Variants in PAK3 observed in about 807,000 individuals in gnomAD.
The protein encoded by PAK3 is serine/threonine-protein kinase PAK 3.
PAK3 carries 4 observed loss-of-function variants against 41.0 expected under a neutral mutation model. That is an observed-to-expected ratio of 0.10 (90% CI 0.05 to 0.22). The LOEUF is 0.22. PAK3 is among the 10% of genes least tolerant of loss of function. PAK3 has a pLI of 1.00. For missense variants in PAK3, 205 were observed against 409.9 expected, an observed-to-expected ratio of 0.50 and a Z score of 4.32; for synonymous variants, 146 against 139.6, an observed-to-expected ratio of 1.05 and a Z score of -0.32.
At chrX:111,176,836 A>T (rs2149259298) in intron 11 of PAK3, among the ~76,000 whole-genome samples, 1 of 111,488 alleles carries the variant, frequency 9.0e-6, no homozygotes, top group African/African-American at 3.2e-5. Flanking sequence ...CTGCCGGCTT[A>T]AATCTATTTA....
intron 1 of PAK3, among the ~76,000 whole-genome samples, chrX:110,981,358 A>G (rs2091443827): frequency 8.9e-6 from 1 of 112,116 alleles, no homozygotes; most frequent in African/African-American, 3.2e-5. Flanking sequence ...TGACATTGGG[A>G]TAATTGGTGA....
At chrX:111,091,315 G>A (rs1180598124), upstream of PAK3, among the ~76,000 whole-genome samples, 1 of 111,571 alleles carries the variant, frequency 9.0e-6, no homozygotes, top group Non-Finnish European at 1.9e-5. Flanking sequence ...GGGAGCATAT[G>A]TAAATGCGAC....
At chrX:110,989,625 C>T (rs2091607553) in intron 1 of PAK3, among the ~76,000 whole-genome samples, 1 of 112,124 alleles carries the variant, frequency 8.9e-6, no homozygotes, top group Non-Finnish European at 1.9e-5. Context: ...ATCTGTAGAA[C>T]ACTGGCGCTG....
intron 1 of PAK3, among the ~76,000 whole-genome samples, chrX:111,018,002 A>G (rs145273997): frequency 1.2e-3 from 134 of 112,093 alleles, no homozygotes; most frequent in Middle Eastern, 4.7e-3. Context: ...ATCTCAAGTT[A>G]CACAGAAAGA....
chrX:110,951,902 A>G (rs754837531), intron 1 of PAK3, among the ~76,000 whole-genome samples: 1 of 112,351 alleles, frequency 8.9e-6, no homozygotes, highest in Non-Finnish European at 1.9e-5. Flanking sequence ...ACACTTGGAA[A>G]AAATCTACTG....
intron 1 of PAK3, among the ~76,000 whole-genome samples, chrX:110,967,634 A>G (rs754723288): frequency 5.4e-5 from 6 of 111,664 alleles, no homozygotes; most frequent in Admixed American, 1.9e-4. Context: ...AAATCTCTTA[A>G]CAATTAATTT....
chrX:110,946,315 C>T (rs1040136956), intron 1 of PAK3, among the ~76,000 whole-genome samples: 2 of 101,685 alleles, frequency 2.0e-5, no homozygotes, highest in Non-Finnish European at 4.0e-5. Flanking sequence ...TCTCAACAAA[C>T]TCAGAATGGG....
At chrX:111,160,815 A>G (rs184654375) in intron 8 of PAK3, among the ~76,000 whole-genome samples, 1,837 of 111,564 alleles carry the variant, frequency 0.016, 40 homozygotes, top group African/African-American at 0.056. Context: ...TTTGTGGCGC[A>G]TAGTATTCCA....
intron 4 of PAK3, among the ~76,000 whole-genome samples, chrX:111,108,785 A>G (rs1295492492): frequency 1.8e-5 from 2 of 112,309 alleles, no homozygotes; most frequent in African/African-American, 6.5e-5. Flanking sequence ...TTACTTCAAG[A>G]TTCACCAAAG....
intron 1 of PAK3, among the ~76,000 whole-genome samples, chrX:111,059,217 C>T (rs1160427818): frequency 9.5e-6 from 1 of 105,632 alleles, no homozygotes; most frequent in Non-Finnish European, 1.9e-5. Context: ...GTCACCGAGG[C>T]TGGAGTGCAG....
At chrX:111,049,310 A>C (rs1243373651) in intron 1 of PAK3, among the ~76,000 whole-genome samples, 2 of 112,099 alleles carry the variant, frequency 1.8e-5, no homozygotes, top group Non-Finnish European at 3.8e-5. Flanking sequence ...ATGTCAAATC[A>C]TCTTATTTAT....
At chrX:111,031,746 T>C (rs1350134443) in intron 1 of PAK3, among the ~76,000 whole-genome samples, 1 of 111,672 alleles carries the variant, frequency 9.0e-6, no homozygotes, top group Non-Finnish European at 1.9e-5. Flanking sequence ...AACTTAACCA[T>C]TTAGGGACCC....
intron 1 of PAK3, among the ~76,000 whole-genome samples, chrX:110,975,945 A>G (rs1482751094): frequency 8.9e-6 from 1 of 112,112 alleles, no homozygotes; most frequent in African/African-American, 3.2e-5. Context: ...CTTACACCTT[A>G]TACAAAAATT....
chrX:111,195,781 T>G (rs1006885173), intron 14 of PAK3, 61 bp from the exon 15 acceptor site: 1 of 739,760 alleles, frequency 1.4e-6, no homozygotes, highest in African/African-American at 2.1e-5. Flanking sequence ...TATCTAGAAA[T>G]AAAACTTAGT....
chrX:110,968,962 G>A (rs907149214), intron 1 of PAK3, among the ~76,000 whole-genome samples: 18 of 109,947 alleles, frequency 1.6e-4, no homozygotes, highest in African/African-American at 5.6e-4. Context: ...ATAGTTTTAT[G>A]CTTTACATGT....
At chrX:111,146,421 C>A in intron 6 of PAK3, 1 of 575,321 alleles carries the variant, frequency 1.7e-6, no homozygotes, top group Non-Finnish European at 2.9e-6. Flanking sequence ...AGAAGGGACT[C>A]CCCCCATTCA....
intron 13 of PAK3, among the ~76,000 whole-genome samples, chrX:111,193,690 C>T (rs1389383431): frequency 1.8e-5 from 2 of 110,562 alleles, no homozygotes; most frequent in Non-Finnish European, 3.8e-5. Context: ...TAAAGTGTAA[C>T]TTAGGAACCA....
At chrX:111,128,599 C>A (rs932720190) in intron 5 of PAK3, among the ~76,000 whole-genome samples, 1 of 111,472 alleles carries the variant, frequency 9.0e-6, no homozygotes, top group Admixed American at 9.5e-5. Context: ...AACTCCAAAC[C>A]CTATGCTTAC....
intron 1 of PAK3, among the ~76,000 whole-genome samples, chrX:111,004,756 A>G (rs1263161414): frequency 8.9e-6 from 1 of 112,406 alleles, no homozygotes; most frequent in Non-Finnish European, 1.9e-5. Context: ...CTGAGCTCCA[A>G]TTAAGGAATT....
Sources: allele counts gnomAD v4.1 joint callset (sites outside exome capture counted in the v4.1 genomes callset), GRCh38; gene constraint gnomAD v4.1.1; transcripts MANE v1.5; gene names NCBI Gene and HGNC (gene_info 2026-07-23, HGNC 2026-07-21).